Variants in MIER1 observed in about 807,000 individuals in gnomAD.
The protein encoded by MIER1 is mesoderm induction early response protein 1.
Under a neutral mutation model 75.7 loss-of-function variants are expected in MIER1, and 40 were observed. The observed-to-expected ratio is 0.53, with a 90% CI of 0.41 to 0.69. The LOEUF is 0.69. MIER1 is among the 30% of genes least tolerant of loss of function. The pLI, the probability that MIER1 is intolerant of heterozygous loss-of-function variation, is 0.00. For synonymous variants in MIER1, 213 were observed against 223.4 expected (o/e 0.95, Z 0.42); for missense variants, 574 against 680.2 (o/e 0.84, Z 1.74).
chr1:66,936,104 T>C (rs552583111), intron 2 of MIER1, among the ~76,000 whole-genome samples: 65 of 152,352 alleles, frequency 4.3e-4, no homozygotes, highest in Admixed American at 2.4e-3. Flanking sequence ...CTGATAAGGT[T>C]ATGAGTACAT....
intron 2 of MIER1, among the ~76,000 whole-genome samples, chr1:66,929,588 G>A (rs1047696453): frequency 2.6e-5 from 4 of 152,210 alleles, no homozygotes; most frequent in African/African-American, 7.2e-5. Context: ...CTAAATAGAT[G>A]ATATCCATAA....
At chr1:66,964,617 T>A (rs774687170) in intron 8 of MIER1, among the ~76,000 whole-genome samples, 1 of 151,876 alleles carries the variant, frequency 6.6e-6, no homozygotes, top group Non-Finnish European at 1.5e-5. Flanking sequence ...CACGCCCAGC[T>A]AATTTTGTAT....
chr1:66,950,675 G>C (rs1178968014), intron 4 of MIER1, among the ~76,000 whole-genome samples: 1 of 150,210 alleles, frequency 6.7e-6, no homozygotes, highest in African/African-American at 2.5e-5. Flanking sequence ...TGATTAAAAT[G>C]TGAGAGATTG....
chr1:66,936,165 AT>A (rs1654782904), intron 2 of MIER1, among the ~76,000 whole-genome samples: 1 of 152,062 alleles, frequency 6.6e-6, no homozygotes, highest in African/African-American at 2.4e-5. Flanking sequence ...TAAAAAAGGT[AT>A]TTTTTCTAAA....
chr1:66,948,668 G>C (rs1658218284), intron 4 of MIER1, among the ~76,000 whole-genome samples: 1 of 152,190 alleles, frequency 6.6e-6, no homozygotes, highest in African/African-American at 2.4e-5. Flanking sequence ...CAAGGCAGGA[G>C]GATTACTTGA....
intron 3 of MIER1, among the ~76,000 whole-genome samples, chr1:66,944,885 C>G (rs989735397): frequency 5.9e-5 from 9 of 151,874 alleles, no homozygotes; most frequent in African/African-American, 2.2e-4. Flanking sequence ...AGCACCACAC[C>G]CAGCTAATTT....
intron 8 of MIER1, among the ~76,000 whole-genome samples, chr1:66,963,536 C>T (rs1041337750): frequency 2.0e-5 from 3 of 152,080 alleles, no homozygotes; most frequent in Non-Finnish European, 4.4e-5. Context: ...GGCATAAAAA[C>T]AAACGAGAGT....
At chr1:66,935,351 AGTTT>A (rs1367418348) in intron 2 of MIER1, among the ~76,000 whole-genome samples, 5 of 152,176 alleles carry the variant, frequency 3.3e-5, no homozygotes, top group African/African-American at 1.2e-4. Flanking sequence ...AAGTTGCTAG[AGTTT>A]GTTTTTAATT....
At chr1:66,956,525 T>A (rs189886176) in intron 4 of MIER1, among the ~76,000 whole-genome samples, 3 of 152,354 alleles carry the variant, frequency 2.0e-5, no homozygotes, top group Admixed American at 2.0e-4. Flanking sequence ...CAAATACCAA[T>A]GTCCTGTACC....
In MIER1 at chr1:66,972,927, G is replaced by A; in HGVS notation, c.1037G>A (p.Cys346Tyr). ...EELSVWTEEE[C>Y]RNFEQGLKAY... is the part of the protein sequence containing the mutation. ...TTATCTGTTTGGACAGAGGAAGAGTGTAGAAATTTTGAACAAGGGCTGAAG... is the reference window on the plus strand; with the variant it reads ...TTATCTGTTTGGACAGAGGAAGAGTATAGAAATTTTGAACAAGGGCTGAAG... The change falls in exon 11 of 14, where the codon TGT becomes TAT. Residue 346 changes from cysteine to tyrosine, a missense_variant. Physicochemically the swap from Cys to Tyr is radical, Grantham distance 194. Transcript: ENST00000401041. 6.2e-7 allele frequency: 1 copy of A among 1,606,210 alleles called. No homozygotes were observed. The highest frequency in any genetic ancestry group is 8.5e-7 in the Non-Finnish European group (1 of 1,173,276).
chr1:66,951,181 GT>G (rs1658850920), intron 4 of MIER1, among the ~76,000 whole-genome samples: 1 of 152,172 alleles, frequency 6.6e-6, no homozygotes, highest in Admixed American at 6.5e-5. Flanking sequence ...AGTATATAGT[GT>G]TTATCCTTTT....
intron 8 of MIER1, among the ~76,000 whole-genome samples, chr1:66,969,178 T>C (rs1462008257): frequency 1.3e-5 from 2 of 152,166 alleles, no homozygotes; most frequent in African/African-American, 4.8e-5. Flanking sequence ...AACAAAAGTA[T>C]CTATTTTGGG....
chr1:66,930,275 C>CGGCGGGAGCGGCAGA (rs1553237470), intron 2 of MIER1: 4 of 1,523,504 alleles, frequency 2.6e-6, no homozygotes, highest in South Asian at 1.2e-5. Context: ...GAGGCAGTGG[C>CGGCGGGAGCGGCAGA]GGCGGGAGCG....
At chr1:66,975,476 G>T (rs1484533153) in intron 11 of MIER1, among the ~76,000 whole-genome samples, 1 of 151,900 alleles carries the variant, frequency 6.6e-6, no homozygotes, top group East Asian at 1.9e-4. Flanking sequence ...GCAGTTAGCG[G>T]TTTGGTGCCA....
intron 8 of MIER1, among the ~76,000 whole-genome samples, chr1:66,963,862 C>T (rs905669047): frequency 2.6e-5 from 4 of 151,912 alleles, no homozygotes; most frequent in African/African-American, 4.8e-5. Context: ...GAGCCAGTAT[C>T]GCACCACTGC....
At chr1:66,929,955 A>G (rs931612250) in intron 2 of MIER1, among the ~76,000 whole-genome samples, 1 of 152,234 alleles carries the variant, frequency 6.6e-6, no homozygotes, top group Non-Finnish European at 1.5e-5. Flanking sequence ...TGCTGTGTCA[A>G]TGCTGGATGT....
chr1:66,945,305 AT>A (rs1657319579), intron 3 of MIER1, among the ~76,000 whole-genome samples: 1 of 142,756 alleles, frequency 7.0e-6, no homozygotes, highest in African/African-American at 2.7e-5. Flanking sequence ...ATATATATAT[AT>A]ATATATATAT....
chr1:66,984,923 T>G lies in MIER1; in HGVS notation c.*23T>G. On this transcript the variant is annotated 3_prime_UTR_variant, in exon 14 of 14. Transcript: ENST00000401041. ...TAAATTTTAGACCTATTTTACTTTC[T>G]TTGGAGTAAATTCTGGTGTGACTAA... 6.5e-7 allele frequency: 1 copy of G among 1,549,090 alleles called. No homozygotes were observed. The highest frequency in any genetic ancestry group is 8.7e-7 in the Non-Finnish European group (1 of 1,154,006).
At chr1:66,928,331 T>C (rs1652311586) in intron 2 of MIER1, among the ~76,000 whole-genome samples, 1 of 152,184 alleles carries the variant, frequency 6.6e-6, no homozygotes, top group Non-Finnish European at 1.5e-5. Context: ...GATCCCCTGC[T>C]CTTTATCATA....
Sources: allele counts gnomAD v4.1 joint callset (sites outside exome capture counted in the v4.1 genomes callset), GRCh38; gene constraint gnomAD v4.1.1; transcripts MANE v1.5; gene names NCBI Gene and HGNC (gene_info 2026-07-23, HGNC 2026-07-21).